The following MCHR2 variants were observed in gnomAD, a reference collection of about 807,000 sequenced individuals.
MCHR2 encodes the protein melanin concentrating hormone receptor 2.
Under a neutral mutation model 24.8 loss-of-function variants are expected in MCHR2, and 15 were observed. That is an observed-to-expected ratio of 0.60 (90% CI 0.40 to 0.93). The LOEUF (loss-of-function observed/expected upper bound fraction) is 0.93, where lower values mean the gene tolerates loss of function less well. MCHR2 is among the 40% of genes least tolerant of loss of function. The pLI is 0.00. For synonymous variants in MCHR2, 151 were observed against 147.6 expected, an observed-to-expected ratio of 1.02 and a Z score of -0.17; for missense variants, 386 against 408.7, an observed-to-expected ratio of 0.94 and a Z score of 0.48.
chr6:99,990,578 T>G (rs558760016), intron 1 of MCHR2, among the ~76,000 whole-genome samples: 4 of 152,312 alleles, frequency 2.6e-5, no homozygotes, highest in African/African-American at 9.6e-5. Context: ...CTGTATTTAA[T>G]GAAATACACA....
intron 1 of MCHR2, among the ~76,000 whole-genome samples, chr6:99,982,120 GT>G: frequency 6.6e-6 from 1 of 151,956 alleles, no homozygotes; most frequent in Non-Finnish European, 1.5e-5. Context: ...GGAACATCGG[GT>G]TTTCCTCCTC....
At chr6:99,939,066 T>C (rs1774723549) in intron 4 of MCHR2, among the ~76,000 whole-genome samples, 1 of 152,040 alleles carries the variant, frequency 6.6e-6, no homozygotes, top group Admixed American at 6.6e-5. Flanking sequence ...TCTCAGTCTA[T>C]GTGTGTCTTT....
At chr6:99,932,192 C>T (rs1192474826) in intron 5 of MCHR2, among the ~76,000 whole-genome samples, 2 of 152,082 alleles carry the variant, frequency 1.3e-5, no homozygotes, top group Non-Finnish European at 2.9e-5. Context: ...GCCACTCTCT[C>T]CTGGCATGTA....
chr6:99,929,143 C>T (rs1287738456), intron 5 of MCHR2, among the ~76,000 whole-genome samples: 2 of 152,112 alleles, frequency 1.3e-5, no homozygotes, highest in African/African-American at 4.8e-5. Flanking sequence ...TGTAGTTGAG[C>T]AGTTTTGAGT....
intron 1 of MCHR2, among the ~76,000 whole-genome samples, chr6:99,963,110 A>T (rs569345440): frequency 5.8e-5 from 4 of 69,384 alleles, no homozygotes; most frequent in Admixed American, 4.0e-4. Flanking sequence ...AATGACAATT[A>T]AAAAAAAGTG....
chr6:99,985,428 A>G (rs9496095), intron 1 of MCHR2, among the ~76,000 whole-genome samples: 91,629 of 151,948 alleles, frequency 0.6, 27,720 homozygotes, highest in Middle Eastern at 0.66. Context: ...ACTTCAAATT[A>G]TACTATGGCT....
Position 99,918,717 on chromosome 6 carries a change from C to T in MCHR2, c.*2223G>A, listed in dbSNP as rs969888675. ...AACACACAAAGAATCTCTATCAAAT[C>T]ACCTCTGTAAATCTGCATATAAATA... On this transcript the variant is annotated 3_prime_UTR_variant, in exon 6 of 6. Coordinates refer to ENST00000281806, the MANE Select transcript of MCHR2 (RefSeq NM_001040179.2). 6.6e-6 allele frequency among the ~76,000 whole-genome samples: 1 copy of T among 152,168 alleles called. No individual in the cohort carries two copies. The highest frequency in any genetic ancestry group is 2.1e-4 in the South Asian group (1 of 4,828).
rs1035929598 is a variant in MCHR2, at chr6:99,943,058, C to G, written c.478G>C (p.Ala160Pro). 1.2e-6 allele frequency: 2 copies of G among 1,613,240 alleles called. No homozygotes were observed. Among genetic ancestry groups the G allele is most frequent in the Admixed American group, 3.3e-5 (2 of 59,924 alleles). ...TIRINLGLWA[A>P]SFILALPVWV... The stretch of plus-strand genomic sequence containing the variant: ...ACAGGCAATGCCAGGATAAAGGAAG[C>G]TGCCCAAAGGCCCAAATTGATCCGG... Residue 160 changes from alanine to proline, a missense_variant, in exon 4 of 6, where the codon GCT becomes CCT. Coordinates refer to ENST00000281806, the MANE Select transcript of MCHR2 (RefSeq NM_001040179.2).
chr6:99,931,927 C>T (rs1015818942), intron 5 of MCHR2, among the ~76,000 whole-genome samples: 4 of 152,154 alleles, frequency 2.6e-5, no homozygotes, highest in African/African-American at 4.8e-5. Context: ...CCGTCTTCTG[C>T]GTCGCTCACG....
intron 1 of MCHR2, among the ~76,000 whole-genome samples, chr6:99,974,591 C>A (rs555706475): frequency 1.3e-5 from 2 of 152,186 alleles, no homozygotes; most frequent in African/African-American, 4.8e-5. Context: ...AGCTTTGTTC[C>A]GTTGCTGGTA....
chr6:99,969,793 A>C (rs1394658622), intron 1 of MCHR2, among the ~76,000 whole-genome samples: 1 of 144,428 alleles, frequency 6.9e-6, no homozygotes. Flanking sequence ...ATTCCCACCT[A>C]TGAGTGAGAA....
intron 5 of MCHR2, among the ~76,000 whole-genome samples, chr6:99,921,805 TTCTACTC>T (rs1359978139): frequency 2.6e-5 from 4 of 152,306 alleles, no homozygotes; most frequent in Middle Eastern, 6.8e-3. Context: ...GTAACCATCT[TTCTACTC>T]TCTATGTCCA....
At chr6:99,959,056 C>A (rs1202035884) in intron 1 of MCHR2, among the ~76,000 whole-genome samples, 1 of 151,982 alleles carries the variant, frequency 6.6e-6, no homozygotes. Flanking sequence ...AAGATTGGAG[C>A]ATATATGCAG....
At chr6:99,924,905 T>C (rs1021513371) in intron 5 of MCHR2, among the ~76,000 whole-genome samples, 1 of 152,140 alleles carries the variant, frequency 6.6e-6, no homozygotes, top group Non-Finnish European at 1.5e-5. Context: ...TGTAAATATA[T>C]ATTAGATCCA....
At chr6:99,972,443 C>A (rs1276825696) in intron 1 of MCHR2, among the ~76,000 whole-genome samples, 2 of 151,898 alleles carry the variant, frequency 1.3e-5, no homozygotes, top group African/African-American at 4.8e-5. Context: ...CTATTTGATT[C>A]TTCTCTCTTT....
intron 1 of MCHR2, among the ~76,000 whole-genome samples, chr6:99,967,650 C>G (rs1775318424): frequency 6.6e-6 from 1 of 152,140 alleles, no homozygotes; most frequent in Non-Finnish European, 1.5e-5. Flanking sequence ...AAAAAACCTA[C>G]TGCTAATGGA....
rs753571792 is a variant in MCHR2 at position 99,942,956 on chromosome 6, C to T, written c.580G>A (p.Val194Ile). The T allele has an allele frequency of 1.2e-6, 2 of 1,610,086 alleles. No homozygotes were observed. Among genetic ancestry groups the T allele is most frequent in the Non-Finnish European group, 1.7e-6 (2 of 1,177,890 alleles). The change falls in exon 4 of 6, where the codon GTA (valine) becomes ATA (isoleucine). Residue 194 changes from valine to isoleucine, a missense_variant. Transcript: ENST00000281806. The part of the protein sequence containing the change: ...CAFDLTSPDD[V>I]LWYTLYLTIT... Reference sequence around the variant, plus strand: ...TAAGTTTTCACAACTTACCAGAGTACATCGTCAGGGGATGTCAAATCAAAA... The same window carrying T: ...TAAGTTTTCACAACTTACCAGAGTATATCGTCAGGGGATGTCAAATCAAAA...
chr6:99,973,900 T>G (rs1775491386), intron 1 of MCHR2, among the ~76,000 whole-genome samples: 1 of 152,232 alleles, frequency 6.6e-6, no homozygotes, highest in Non-Finnish European at 1.5e-5. Context: ...CACTCTCTTC[T>G]GGCTTGTAGA....
intron 1 of MCHR2, among the ~76,000 whole-genome samples, chr6:99,987,778 T>C (rs1390112223): frequency 2.6e-5 from 4 of 152,170 alleles, no homozygotes; most frequent in African/African-American, 9.7e-5. Context: ...CATATAAAAG[T>C]GACTGAAGTC....
Sources: allele counts gnomAD v4.1 joint callset (sites outside exome capture counted in the v4.1 genomes callset), GRCh38; gene constraint gnomAD v4.1.1; transcripts MANE v1.5; gene names NCBI Gene and HGNC (gene_info 2026-07-23, HGNC 2026-07-21).